The following CSMD1 variants were observed in gnomAD, a reference collection of about 807,000 sequenced individuals.
CSMD1 encodes CUB and Sushi multiple domains 1, also known as CUB and sushi domain-containing protein 1.
A neutral mutation model predicts 417.5 loss-of-function variants in CSMD1; 213 were observed. The observed-to-expected ratio is 0.51, with a 90% CI of 0.46 to 0.57. The LOEUF is 0.57. CSMD1 is among the 20% of genes least tolerant of loss of function. CSMD1 has a pLI of 0.00. For synonymous variants in CSMD1, 2,862 were observed against 1,736.8 expected (o/e 1.65, Z -16.11); for missense variants, 6,923 against 4,529.7 (o/e 1.53, Z -15.17).
At chr8:3,114,280 T>G (rs902094978) in intron 42 of CSMD1, among the ~76,000 whole-genome samples, 1 of 151,976 alleles carries the variant, frequency 6.6e-6, no homozygotes, top group African/African-American at 2.4e-5. Context: ...ATAATTTAAA[T>G]TTTAAAACCT....
intron 12 of CSMD1, among the ~76,000 whole-genome samples, chr8:3,450,717 T>C (rs1286052222): frequency 6.6e-6 from 1 of 152,126 alleles, no homozygotes; most frequent in South Asian, 2.1e-4. Flanking sequence ...TCTATCATTG[T>C]TGGACATTTG....
intron 1 of CSMD1, among the ~76,000 whole-genome samples, chr8:4,833,674 C>A (rs1341818461): frequency 1.3e-5 from 2 of 152,132 alleles, no homozygotes. Context: ...GTGTTGCCTG[C>A]ACAGCAAGAG....
intron 18 of CSMD1, among the ~76,000 whole-genome samples, chr8:3,380,690 G>A (rs917268506): frequency 6.6e-6 from 1 of 152,100 alleles, no homozygotes; most frequent in Non-Finnish European, 1.5e-5. Flanking sequence ...GCTGAACAAT[G>A]AGAACACATG....
intron 26 of CSMD1, among the ~76,000 whole-genome samples, chr8:3,251,887 A>G (rs1800293681): frequency 6.6e-6 from 1 of 152,194 alleles, no homozygotes; most frequent in African/African-American, 2.4e-5. Context: ...GTGTATAAGA[A>G]TGCTTGTGAT....
chr8:4,848,942 C>A (rs1326734217), intron 1 of CSMD1, among the ~76,000 whole-genome samples: 3 of 152,176 alleles, frequency 2.0e-5, no homozygotes, highest in African/African-American at 7.2e-5. Flanking sequence ...ACTTGTTCTA[C>A]TTATAAAAGT....
chr8:3,564,347 G>C lies in CSMD1; in HGVS notation c.1344+10598C>G, dbSNP rs563696180. The stretch of plus-strand genomic sequence containing the variant: ...TTTTTTGAATGTTTTGTCGTCCTCA[G>C]TGTCCATAAATAACTCCTACACAAA... On this transcript the variant is annotated intron_variant, in intron 10 of 69. Coordinates refer to ENST00000635120, the MANE Select transcript of CSMD1 (RefSeq NM_033225.6). 3.9e-5 allele frequency among the ~76,000 whole-genome samples: 6 copies of C among 152,022 alleles called. No homozygotes were observed. The East Asian group carries it at 1.2e-3, about 29-fold the overall frequency.
chr8:3,196,936 T>C (rs1030375680), intron 33 of CSMD1, among the ~76,000 whole-genome samples: 5 of 152,186 alleles, frequency 3.3e-5, no homozygotes, highest in Non-Finnish European at 7.3e-5. Flanking sequence ...GTTATCCCTT[T>C]CTGAAGGGTC....
intron 3 of CSMD1, among the ~76,000 whole-genome samples, chr8:4,065,567 A>C (rs2130757289): frequency 7.0e-6 from 1 of 143,678 alleles, no homozygotes; most frequent in Admixed American, 7.1e-5. Flanking sequence ...ATCTTTTTTC[A>C]CTGCTAAAAG....
chr8:4,609,963 T>C (rs756290383), intron 2 of CSMD1, among the ~76,000 whole-genome samples: 8 of 152,192 alleles, frequency 5.3e-5, no homozygotes, highest in African/African-American at 9.7e-5. Flanking sequence ...AACTACCTAA[T>C]TGGTAATTCC....
At chr8:3,818,289 G>A (rs1427529100) in intron 5 of CSMD1, among the ~76,000 whole-genome samples, 2 of 152,162 alleles carry the variant, frequency 1.3e-5, no homozygotes, top group Non-Finnish European at 2.9e-5. Flanking sequence ...GAGCCACAGG[G>A]TGTAGTGGGA....
intron 11 of CSMD1, among the ~76,000 whole-genome samples, chr8:3,478,104 T>G (rs1369261448): frequency 1.3e-5 from 2 of 152,354 alleles, no homozygotes; most frequent in Admixed American, 1.3e-4. Context: ...CTTTGACTCA[T>G]GCACACGCCT....
At chr8:4,562,546 A>G (rs1798393310) in intron 2 of CSMD1, among the ~76,000 whole-genome samples, 1 of 152,244 alleles carries the variant, frequency 6.6e-6, no homozygotes, top group Admixed American at 6.5e-5. Flanking sequence ...TTAAATAAGT[A>G]TACATGAAAT....
chr8:3,920,929 A>G (rs573417115), intron 5 of CSMD1, among the ~76,000 whole-genome samples: 3 of 152,190 alleles, frequency 2.0e-5, no homozygotes, highest in Non-Finnish European at 4.4e-5. Flanking sequence ...TGGCCTGTAC[A>G]TTTCTTTTAT....
chr8:3,750,269 C>T (rs114903425), intron 6 of CSMD1, among the ~76,000 whole-genome samples: 2,791 of 151,132 alleles, frequency 0.018, 43 homozygotes, highest in African/African-American at 0.045. Context: ...ATAATATATG[C>T]GAAGCATAAA....
At chr8:3,407,418 AGGATGGAT>A (rs56261904) in intron 14 of CSMD1, among the ~76,000 whole-genome samples, 1 of 150,786 alleles carries the variant, frequency 6.6e-6, no homozygotes, top group African/African-American at 2.4e-5. Flanking sequence ...AATGGATGGA[AGGATGGAT>A]GGATAGATGG....
chr8:3,826,666 GTTT>G (rs1802073270), intron 5 of CSMD1, among the ~76,000 whole-genome samples: 1 of 152,126 alleles, frequency 6.6e-6, no homozygotes, highest in African/African-American at 2.4e-5. Context: ...TCGGGCATGG[GTTT>G]TGAGGAACCA....
At chr8:4,693,820 G>T (rs1239578760) in intron 1 of CSMD1, among the ~76,000 whole-genome samples, 2 of 17,190 alleles carry the variant, frequency 1.2e-4, no homozygotes, top group Non-Finnish European at 1.8e-4. Context: ...GGGACCACAG[G>T]TGTGCACCTC....
intron 3 of CSMD1, among the ~76,000 whole-genome samples, chr8:4,351,462 T>C (rs1012940335): frequency 2.0e-5 from 3 of 152,178 alleles, no homozygotes; most frequent in African/African-American, 7.2e-5. Context: ...AAAAGCAGAG[T>C]TCCATAGCTA....
chr8:3,072,894 G>A (rs1404261972), intron 49 of CSMD1, among the ~76,000 whole-genome samples: 1 of 152,064 alleles, frequency 6.6e-6, no homozygotes, highest in African/African-American at 2.4e-5. Context: ...TCAGAGTAAT[G>A]CAAAACCCAG....
Sources: allele counts gnomAD v4.1 joint callset (sites outside exome capture counted in the v4.1 genomes callset), GRCh38; gene constraint gnomAD v4.1.1; transcripts MANE v1.5; gene names NCBI Gene and HGNC (gene_info 2026-07-23, HGNC 2026-07-21).